NOS1AP: variants seen among roughly 807,000 people sequenced by gnomAD.
NOS1AP encodes the protein nitric oxide synthase 1 adaptor protein, also known as carboxyl-terminal PDZ ligand of neuronal nitric oxide synthase protein.
In NOS1AP, 21 loss-of-function variants were observed where a neutral mutation model predicts 56.2. The observed-to-expected ratio is 0.37, with a 90% confidence interval of 0.26 to 0.54. NOS1AP has a LOEUF of 0.54. NOS1AP is among the 20% of genes least tolerant of loss of function. NOS1AP has a pLI of 0.84. For synonymous variants in NOS1AP, 270 were observed against 274.6 expected (o/e 0.98, Z 0.17); for missense variants, 522 against 657.8 (o/e 0.79, Z 2.26).
Position 162,208,203 on chromosome 1 carries a change from C to T in NOS1AP, c.177+53727C>T, listed in dbSNP as rs549601476. ...TGCCTATTCCAATCTTACCTGCCCTCCAAGACCAAGCTCAGGACCCATCTG... is the reference window on the plus strand; with the variant it reads ...TGCCTATTCCAATCTTACCTGCCCTTCAAGACCAAGCTCAGGACCCATCTG... On this transcript the variant is annotated intron_variant, in intron 2 of 9. Transcript: ENST00000361897. Among the ~76,000 whole-genome samples, 5 of 152,282 alleles carry T rather than the reference C, an allele frequency of 3.3e-5. No individual in the cohort carries two copies. In the East Asian group the frequency reaches 9.7e-4, roughly 29 times the overall value.
chr1:162,263,884 C>T (rs1335059985), intron 2 of NOS1AP, among the ~76,000 whole-genome samples: 2 of 152,166 alleles, frequency 1.3e-5, no homozygotes, highest in Non-Finnish European at 2.9e-5. Context: ...TTTCACAAAC[C>T]TCAGAAACCT....
intron 7 of NOS1AP, among the ~76,000 whole-genome samples, chr1:162,355,858 C>G (rs1261972089): frequency 6.6e-6 from 1 of 152,214 alleles, no homozygotes; most frequent in Non-Finnish European, 1.5e-5. Flanking sequence ...TTCATCAGCT[C>G]TAACCTAACA....
chr1:162,272,247 A>C (rs12729882), intron 2 of NOS1AP, among the ~76,000 whole-genome samples: 1 of 151,998 alleles, frequency 6.6e-6, no homozygotes. Flanking sequence ...CACCTCCTTG[A>C]AGCTGGGACA....
At chr1:162,091,465 A>G (rs1407786495) in intron 1 of NOS1AP, among the ~76,000 whole-genome samples, 1 of 152,128 alleles carries the variant, frequency 6.6e-6, no homozygotes, top group Admixed American at 6.5e-5. Context: ...ATGAGTTTTT[A>G]AATTTGCTAT....
chr1:162,347,602 G>A (rs1657345888), intron 6 of NOS1AP, among the ~76,000 whole-genome samples: 2 of 152,106 alleles, frequency 1.3e-5, no homozygotes, highest in African/African-American at 4.8e-5. Context: ...AACACCAAGG[G>A]CTAGATCTTA....
chr1:162,122,600 C>G (rs10082218), intron 1 of NOS1AP, among the ~76,000 whole-genome samples: 35,508 of 151,602 alleles, frequency 0.23, 8,068 homozygotes, highest in African/African-American at 0.6. Context: ...CTCCACCTCC[C>G]AGGCTCAAGT....
intron 5 of NOS1AP, chr1:162,342,622 T>G (rs1384153561): frequency 8.1e-6 from 4 of 495,822 alleles, no homozygotes; most frequent in African/African-American, 7.8e-5. Flanking sequence ...GCTCATCTTT[T>G]TTATTACTAC....
intron 2 of NOS1AP, among the ~76,000 whole-genome samples, chr1:162,193,115 T>C (rs765060914): frequency 6.6e-6 from 1 of 152,182 alleles, no homozygotes; most frequent in African/African-American, 2.4e-5. Flanking sequence ...TTTTCTTAAC[T>C]GTACTGAAAA....
chr1:162,275,837 G>A (rs750684760), intron 2 of NOS1AP, among the ~76,000 whole-genome samples: 3 of 152,206 alleles, frequency 2.0e-5, no homozygotes, highest in Non-Finnish European at 4.4e-5. Context: ...CACTCTGGAT[G>A]TCACAGTGGT....
intron 3 of NOS1AP, among the ~76,000 whole-genome samples, chr1:162,297,229 T>C (rs1655494802): frequency 6.6e-6 from 1 of 152,218 alleles, no homozygotes; most frequent in Admixed American, 6.5e-5. Flanking sequence ...TATTGGGTCA[T>C]TGGCTCCTCT....
At chr1:162,102,140 G>A (rs1191393686) in intron 1 of NOS1AP, among the ~76,000 whole-genome samples, 1 of 152,286 alleles carries the variant, frequency 6.6e-6, no homozygotes, top group Admixed American at 6.5e-5. Context: ...TTTATTGAGA[G>A]TTTTTAACGT....
chr1:162,359,719 C>T (rs965340637), intron 8 of NOS1AP, among the ~76,000 whole-genome samples: 5 of 149,114 alleles, frequency 3.4e-5, no homozygotes, highest in South Asian at 2.1e-4. Flanking sequence ...TTTCTCTACG[C>T]GGGGGGGGGC....
At chr1:162,169,510 G>A (rs1224009869) in intron 2 of NOS1AP, among the ~76,000 whole-genome samples, 1 of 152,190 alleles carries the variant, frequency 6.6e-6, no homozygotes, top group East Asian at 1.9e-4. Flanking sequence ...GCTTAGCTGG[G>A]CACTCAGACA....
chr1:162,350,029 T>C (rs1657439477), intron 6 of NOS1AP, among the ~76,000 whole-genome samples: 2 of 152,222 alleles, frequency 1.3e-5, no homozygotes, highest in Non-Finnish European at 2.9e-5. Flanking sequence ...CTGTAAATGC[T>C]TCTCCCAGAG....
intron 2 of NOS1AP, among the ~76,000 whole-genome samples, chr1:162,155,454 T>G (rs35211479): frequency 0.54 from 76,766 of 143,348 alleles, 22,843 homozygotes; most frequent in Non-Finnish European, 0.68. Context: ...TATATATATA[T>G]ATAGAGAGAG....
intron 2 of NOS1AP, among the ~76,000 whole-genome samples, chr1:162,259,309 C>G (rs116696471): frequency 0.028 from 4,225 of 152,302 alleles, 78 homozygotes; most frequent in Non-Finnish European, 0.038. Flanking sequence ...AAACCCTTGA[C>G]AGAATGTGCT....
At chr1:162,195,572 C>T (rs1039786066) in intron 2 of NOS1AP, among the ~76,000 whole-genome samples, 2 of 152,130 alleles carry the variant, frequency 1.3e-5, no homozygotes, top group South Asian at 4.1e-4. Context: ...CAATGCTCAT[C>T]CTCTACTTCA....
chr1:162,342,443 T>TTGTG, intron 5 of NOS1AP: 2 of 455,320 alleles, frequency 4.4e-6, no homozygotes, highest in South Asian at 3.3e-5. Flanking sequence ...TAGAAATGAC[T>TTGTG]CCAGGCTTGA....
At chr1:162,352,514 T>G (rs924348022) in intron 6 of NOS1AP, among the ~76,000 whole-genome samples, 3 of 152,080 alleles carry the variant, frequency 2.0e-5, no homozygotes, top group African/African-American at 7.2e-5. Context: ...ACTATAGTAA[T>G]CTACACAGCC....
Sources: allele counts gnomAD v4.1 joint callset (sites outside exome capture counted in the v4.1 genomes callset), GRCh38; gene constraint gnomAD v4.1.1; transcripts MANE v1.5; gene names NCBI Gene and HGNC (gene_info 2026-07-23, HGNC 2026-07-21).